CYP7B1: variants seen among roughly 807,000 people sequenced by gnomAD.
CYP7B1 encodes the protein cytochrome P450 7B1.
CYP7B1 carries 29 observed loss-of-function variants against 42.7 expected under a neutral mutation model. That is an observed-to-expected ratio of 0.68 (90% confidence interval 0.51 to 0.93). The LOEUF is 0.93. Among genes scored for constraint, CYP7B1 ranks in the 40% least tolerant of loss-of-function variants. The pLI is 0.00. For synonymous variants in CYP7B1, 235 were observed against 218.2 expected (o/e 1.08, Z -0.68); for missense variants, 655 against 600.5 (o/e 1.09, Z -0.95).
chr8:64,661,628 G>C (rs1433118568), intron 1 of CYP7B1, among the ~76,000 whole-genome samples: 1 of 152,104 alleles, frequency 6.6e-6, no homozygotes, highest in Non-Finnish European at 1.5e-5. Flanking sequence ...AAAGTAGAGG[G>C]GGACAGATCT....
chr8:64,685,916 A>T (rs1316862959), intron 1 of CYP7B1, among the ~76,000 whole-genome samples: 4 of 32,878 alleles, frequency 1.2e-4, no homozygotes, highest in Non-Finnish European at 1.8e-4. Flanking sequence ...GCCGTCCGGG[A>T]GGGAGGTGGG....
intron 1 of CYP7B1, among the ~76,000 whole-genome samples, chr8:64,631,091 A>T (rs571158769): frequency 6.6e-6 from 1 of 152,348 alleles, no homozygotes; most frequent in East Asian, 1.9e-4. Flanking sequence ...TGAGGCCAGC[A>T]TTACCCTAAT....
At chr8:64,675,342 C>G (rs1028629981) in intron 1 of CYP7B1, among the ~76,000 whole-genome samples, 1 of 151,584 alleles carries the variant, frequency 6.6e-6, no homozygotes, top group African/African-American at 2.4e-5. Context: ...TTATAAGCCC[C>G]TGGAATTTTT....
At chr8:64,789,626 G>T (rs1029751865) in intron 1 of CYP7B1, among the ~76,000 whole-genome samples, 2 of 152,196 alleles carry the variant, frequency 1.3e-5, no homozygotes, top group Non-Finnish European at 2.9e-5. Flanking sequence ...TATTTTCATG[G>T]AAGGGGAGGG....
chr8:64,592,222 T>C lies in CYP7B1; in HGVS notation c.*4420A>G, dbSNP rs893210382. On this transcript the variant is annotated 3_prime_UTR_variant, in exon 6 of 6. Transcript: ENST00000310193. ...AAGGATGGGATTTTACAATATATAA[T>C]ACAGTTTTTAAAAATTCTAAGCCTC... Among the ~76,000 whole-genome samples, 4 of 150,518 alleles carry C rather than the reference T, an allele frequency of 2.7e-5. No homozygotes were observed. Among genetic ancestry groups the C allele is most frequent in the African/African-American group, 9.7e-5 (4 of 41,232 alleles).
At chr8:64,717,171 CT>C (rs35771862) in intron 1 of CYP7B1, among the ~76,000 whole-genome samples, 43,798 of 151,930 alleles carry the variant, frequency 0.29, 7,527 homozygotes, top group African/African-American at 0.48. Flanking sequence ...CATGGTACAT[CT>C]TTTTTTTCCA....
At position 64,689,322 on chromosome 8, in the gene CYP7B1, A is replaced by G. The variant is rs149948012; in HGVS notation, c.123-64783T>C. ...AACAACTGAATTTCCTCACAAATAC[A>G]TTCACACACATAGATCCTACTTCAA... On this transcript the variant is annotated intron_variant, in intron 1 of 5. Coordinates refer to ENST00000310193, the MANE Select transcript of CYP7B1 (RefSeq NM_004820.5). Among the ~76,000 whole-genome samples the G allele has an allele frequency of 3.5e-4, 53 of 152,366 alleles. 1 individual carries two copies. In the East Asian group the frequency reaches 7.1e-3, roughly 20 times the overall value.
intron 1 of CYP7B1, among the ~76,000 whole-genome samples, chr8:64,772,591 T>C (rs4480156): frequency 0.27 from 41,053 of 152,092 alleles, 6,861 homozygotes; most frequent in African/African-American, 0.47. Context: ...AGTTTTCTTA[T>C]GCACACACAG....
At chr8:64,642,733 C>T (rs79481498) in intron 1 of CYP7B1, among the ~76,000 whole-genome samples, 2,439 of 152,100 alleles carry the variant, frequency 0.016, 28 homozygotes, top group Non-Finnish European at 0.026. Flanking sequence ...CTTTTCAGGG[C>T]ACAAATTTTG....
intron 1 of CYP7B1, among the ~76,000 whole-genome samples, chr8:64,748,411 A>G (rs1293320109): frequency 6.6e-6 from 1 of 152,102 alleles, no homozygotes; most frequent in Non-Finnish European, 1.5e-5. Context: ...TGTAATTCAA[A>G]TCCAGTAAGT....
intron 1 of CYP7B1, among the ~76,000 whole-genome samples, chr8:64,668,527 A>G (rs1806316851): frequency 6.6e-6 from 1 of 152,114 alleles, no homozygotes; most frequent in African/African-American, 2.4e-5. Flanking sequence ...ATAAATTAAA[A>G]TGATTATTAA....
chr8:64,721,639 C>T (rs922767063), intron 1 of CYP7B1, among the ~76,000 whole-genome samples: 16 of 151,914 alleles, frequency 1.1e-4, no homozygotes, highest in African/African-American at 2.9e-4. Flanking sequence ...TGAAATTTAC[C>T]GTCTTAAAAA....
At chr8:64,789,468 C>T (rs1241225832) in intron 1 of CYP7B1, among the ~76,000 whole-genome samples, 4 of 152,128 alleles carry the variant, frequency 2.6e-5, no homozygotes, top group African/African-American at 9.7e-5. Flanking sequence ...ACTTATAATT[C>T]ATACCTACTC....
intron 1 of CYP7B1, among the ~76,000 whole-genome samples, chr8:64,637,919 C>T (rs1014119182): frequency 3.3e-5 from 5 of 152,132 alleles, no homozygotes; most frequent in Non-Finnish European, 7.4e-5. Context: ...CTCCTATTTT[C>T]CATCACTTTA....
chr8:64,779,812 A>G lies in CYP7B1; in HGVS notation c.122+18654T>C, dbSNP rs1342971703. On this transcript the variant is annotated intron_variant, in intron 1 of 5. Coordinates refer to ENST00000310193, the MANE Select transcript of CYP7B1 (RefSeq NM_004820.5). ...CAAATGTGTGTAATTCTATGTGATT[A>G]CCAAAAACAGGCGCAGCCCTTTCAC... is the stretch of plus-strand genomic sequence containing the variant. Among the ~76,000 whole-genome samples, 4 of 152,314 alleles carry G rather than the reference A, an allele frequency of 2.6e-5. No homozygotes were observed. The Middle Eastern group carries it at 0.01, about 389-fold the overall frequency.
intron 1 of CYP7B1, among the ~76,000 whole-genome samples, chr8:64,679,805 A>C (rs564239243): frequency 1.1e-4 from 17 of 152,182 alleles, no homozygotes; most frequent in Non-Finnish European, 2.4e-4. Flanking sequence ...CTACTTCTGA[A>C]ACCATCATAA....
intron 1 of CYP7B1, among the ~76,000 whole-genome samples, chr8:64,694,123 T>C (rs189828494): frequency 6.6e-5 from 10 of 152,328 alleles, no homozygotes; most frequent in African/African-American, 2.4e-4. Context: ...CCAGATTCTC[T>C]ACCTACTGAA....
chr8:64,596,699 C>A lies in CYP7B1; in HGVS notation c.1464G>T (p.Leu488Phe). Residue 488 changes from leucine to phenylalanine, a missense_variant, in exon 6 of 6, where the codon TTG becomes TTT. Coordinates refer to ENST00000310193, the MANE Select transcript of CYP7B1 (RefSeq NM_004820.5). ...CAGAATCTGGATACTGAATACCAAA[C>A]AACAAGCGGCTGTAGTTTAGTCCTA... The part of the protein sequence containing the change: ...KPIGLNYSRL[L>F]FGIQYPDSDV... The A allele has an allele frequency of 1.2e-6, 2 of 1,613,548 alleles. No individual in the cohort carries two copies. Among genetic ancestry groups the A allele is most frequent in the South Asian group, 1.1e-5 (1 of 90,974 alleles).
intron 1 of CYP7B1, among the ~76,000 whole-genome samples, chr8:64,651,044 C>G (rs574458450): frequency 6.6e-6 from 1 of 152,136 alleles, no homozygotes; most frequent in African/African-American, 2.4e-5. Flanking sequence ...TGGGGGAAGA[C>G]GGAGATGAGG....
Sources: allele counts gnomAD v4.1 joint callset (sites outside exome capture counted in the v4.1 genomes callset), GRCh38; gene constraint gnomAD v4.1.1; transcripts MANE v1.5; gene names NCBI Gene and HGNC (gene_info 2026-07-23, HGNC 2026-07-21).